MON2: variants seen among roughly 807,000 people sequenced by gnomAD.
MON2 encodes the protein MON2 regulator of endosome-to-Golgi trafficking.
In MON2, 84 loss-of-function variants were observed where a neutral mutation model predicts 208.6. The observed-to-expected ratio is 0.40, with a 90% CI of 0.34 to 0.48. The LOEUF (loss-of-function observed/expected upper bound fraction) is 0.48. Among genes scored for constraint, MON2 ranks in the 20% least tolerant of loss-of-function variants. MON2 has a pLI of 0.59. For missense variants in MON2, 1,611 were observed against 2,015.4 expected (o/e 0.80, Z 3.84); for synonymous variants, 660 against 694.0 (o/e 0.95, Z 0.77).
chr12:62,506,813 A>C (rs984964422), intron 7 of MON2, among the ~76,000 whole-genome samples: 1 of 152,100 alleles, frequency 6.6e-6, no homozygotes, highest in African/African-American at 2.4e-5. Context: ...TGTAAGATGA[A>C]AGGATTAGGT....
intron 21 of MON2, among the ~76,000 whole-genome samples, chr12:62,546,295 T>C (rs1012698058): frequency 6.6e-6 from 1 of 152,204 alleles, no homozygotes; most frequent in African/African-American, 2.4e-5. Flanking sequence ...TAGTGAAATT[T>C]ATTTCTATTA....
chr12:62,584,150 G>A (rs917490545), intron 32 of MON2, among the ~76,000 whole-genome samples: 1 of 151,982 alleles, frequency 6.6e-6, no homozygotes, highest in East Asian at 1.9e-4. Context: ...ATTTCAGCAT[G>A]CATCCTAATC....
rs1009168275 is a variant in MON2 at position 62,470,779 on chromosome 12, G to A, written c.111+3461G>A. 9 of 1,060,154 alleles carry A rather than the reference G, an allele frequency of 8.5e-6. No individual in the cohort carries two copies. In the Admixed American group the frequency reaches 2.2e-4, roughly 25 times the overall value. The allele number at this position is 1,060,154 out of a possible 1,614,324, so 65.7% of individuals were successfully genotyped here. Reference sequence around the variant, plus strand: ...CCTAGCAGAGGAAATAGCACACGTTGTTAGTATTCCATGTAAAATAAATTT... The same window carrying A: ...CCTAGCAGAGGAAATAGCACACGTTATTAGTATTCCATGTAAAATAAATTT... On this transcript the variant is annotated intron_variant, in intron 1 of 34. Transcript: ENST00000393630.
chr12:62,538,828 AT>A (rs148310506), intron 19 of MON2, among the ~76,000 whole-genome samples: 17,983 of 152,082 alleles, frequency 0.12, 1,364 homozygotes, highest in Middle Eastern at 0.26. Context: ...TGTAATTACA[AT>A]TTATGATTGG....
chr12:62,488,918 G>A (rs2069949234), intron 2 of MON2, among the ~76,000 whole-genome samples: 1 of 152,012 alleles, frequency 6.6e-6, no homozygotes, highest in Non-Finnish European at 1.5e-5. Flanking sequence ...GTTGATGGGT[G>A]CAGCAAACCA....
At chr12:62,517,682 A>G (rs2071776612) in intron 8 of MON2, among the ~76,000 whole-genome samples, 1 of 152,148 alleles carries the variant, frequency 6.6e-6, no homozygotes, top group Non-Finnish European at 1.5e-5. Flanking sequence ...TGAACACGCT[A>G]ACATCTCTAT....
At position 62,545,009 on chromosome 12, in the gene MON2, G is replaced by C; in HGVS notation, c.2577+1G>C. The C allele has an allele frequency of 6.5e-7, 1 of 1,546,152 alleles. No individual in the cohort carries two copies. The highest frequency in any genetic ancestry group is 8.7e-7 in the Non-Finnish European group (1 of 1,142,858). ...TGATCCTCCACTCTCACAAAACCAG[G>C]TAATAAAAACCTTACTTTTTAAAAA... is the stretch of plus-strand genomic sequence containing the variant. On this transcript the variant is annotated splice_donor_variant, in intron 21 of 34. Coordinates refer to ENST00000393630, the MANE Select transcript of MON2 (RefSeq NM_015026.3). LOFTEE classifies it high-confidence loss of function.
rs781021296 is a variant in MON2, at chr12:62,534,832, T to C, written c.1634-13T>C. ...TAATTAAAATTAAATATTGTATGTTTTTTTCCTTTAAGTTAGTAGGGCTGT... is the reference window on the plus strand; with the variant it reads ...TAATTAAAATTAAATATTGTATGTTCTTTTCCTTTAAGTTAGTAGGGCTGT... On this transcript the variant is annotated splice_polypyrimidine_tract_variant and intron_variant, in intron 12 of 34. Coordinates refer to ENST00000393630, the MANE Select transcript of MON2 (RefSeq NM_015026.3). The C allele has an allele frequency of 3.8e-6, 6 of 1,594,332 alleles. No individual in the cohort carries two copies. The highest frequency in any genetic ancestry group is 5.2e-6 in the Non-Finnish European group (6 of 1,163,172).
chr12:62,467,509 C>G (rs1047400601), intron 1 of MON2, among the ~76,000 whole-genome samples, 191 bp downstream of exon 1: 4 of 152,184 alleles, frequency 2.6e-5, no homozygotes, highest in African/African-American at 9.7e-5. Context: ...TTGATTTTCT[C>G]CCCTCTCCTG....
intron 4 of MON2, among the ~76,000 whole-genome samples, chr12:62,498,479 T>C (rs961999818): frequency 5.3e-5 from 8 of 152,176 alleles, no homozygotes; most frequent in African/African-American, 1.9e-4. Context: ...TTCTATAATT[T>C]ATTGTATATA....
chr12:62,586,417 A>G (rs1249045107), intron 33 of MON2, among the ~76,000 whole-genome samples: 1 of 152,204 alleles, frequency 6.6e-6, no homozygotes, highest in East Asian at 1.9e-4. Context: ...ATTTATACCA[A>G]TTTACATTCT....
chr12:62,475,055 A>G (rs933730996), intron 1 of MON2, among the ~76,000 whole-genome samples: 5 of 152,182 alleles, frequency 3.3e-5, no homozygotes, highest in Admixed American at 1.3e-4. Flanking sequence ...TGTCTACTCT[A>G]CTTATAGGAC....
Position 62,532,569 on chromosome 12 carries a change from A to G in MON2, c.1532A>G (p.Glu511Gly). Residue 511 changes from glutamate (E) to glycine (G), a missense_variant, in exon 12 of 35, where the codon GAA (glutamate) becomes GGA (glycine). Physicochemically the swap from Glu to Gly is moderately conservative, Grantham distance 98. Coordinates refer to ENST00000393630, the MANE Select transcript of MON2 (RefSeq NM_015026.3). Reference sequence around the variant, plus strand: ...ATTGAAGGAGAGCTAGGAGAGCTTGAAACAGAATGTCAAACCACCACTGAA... The same window carrying G: ...ATTGAAGGAGAGCTAGGAGAGCTTGGAACAGAATGTCAAACCACCACTGAA... Reference protein sequence around the residue: ...SMIEGELGELETECQTTTEEG... With the variant: ...SMIEGELGELGTECQTTTEEG... The G allele has an allele frequency of 6.2e-7, 1 of 1,614,140 alleles. No individual in the cohort carries two copies. The highest frequency in any genetic ancestry group is 1.1e-5 in the South Asian group (1 of 91,086).
chr12:62,490,014 T>G (rs753702364), intron 2 of MON2: 2 of 1,210,750 alleles, frequency 1.7e-6, no homozygotes, highest in South Asian at 1.3e-5. Context: ...TGGGGTATCC[T>G]AGTTTAATTC....
chr12:62,492,475 C>T (rs765157157), intron 2 of MON2, among the ~76,000 whole-genome samples: 15 of 149,254 alleles, frequency 1.0e-4, no homozygotes, highest in Non-Finnish European at 1.8e-4. Context: ...GGGTTCACGC[C>T]ATTCTCCTGC....
chr12:62,494,867 T>A (rs10877862), intron 3 of MON2, 149 bp from the exon 4 acceptor site: 2 of 499,636 alleles, frequency 4.0e-6, no homozygotes, highest in Admixed American at 3.8e-5. Flanking sequence ...GAGAGATGTG[T>A]TTGGATCTAG....
intron 32 of MON2, among the ~76,000 whole-genome samples, chr12:62,583,353 G>A (rs1457182212): frequency 6.6e-6 from 1 of 151,112 alleles, no homozygotes; most frequent in Non-Finnish European, 1.5e-5. Flanking sequence ...AAAACAAGAC[G>A]AGAAAGAACT....
intron 34 of MON2, among the ~76,000 whole-genome samples, chr12:62,589,968 T>C (rs1011671564): frequency 1.4e-4 from 22 of 152,308 alleles, no homozygotes; most frequent in Admixed American, 1.3e-3. Context: ...TATAAGATGA[T>C]ATAACATTTT....
Position 62,561,003 on chromosome 12 carries a change from T to G in MON2, c.3922T>G (p.Ser1308Ala), listed in dbSNP as rs369230152. The G allele has an allele frequency of 4.8e-5, 77 of 1,613,860 alleles. No individual in the cohort carries two copies. The highest frequency in any genetic ancestry group is 5.8e-5 in the Non-Finnish European group (69 of 1,179,860). The change falls in exon 26 of 35, where the codon TCA becomes GCA. Residue 1308 changes from serine (S) to alanine (A), a missense_variant. Ser to Ala is a moderately conservative substitution (Grantham distance 99). Transcript: ENST00000393630. ...KLGVILHSAI[S>A]VPISSDASPF... ...GGGAGTCATATTGCACAGTGCTATT[T>G]CAGTCCCAATAAGTTCAGATGCATC...
Sources: allele counts gnomAD v4.1 joint callset (sites outside exome capture counted in the v4.1 genomes callset), GRCh38; gene constraint gnomAD v4.1.1; transcripts MANE v1.5; gene names NCBI Gene and HGNC (gene_info 2026-07-23, HGNC 2026-07-21).